Variants in FAM114A2 observed in about 807,000 individuals in gnomAD.
The protein encoded by FAM114A2 is family with sequence similarity 114 member A2.
FAM114A2 carries 53 observed loss-of-function variants against 58.4 expected under a neutral mutation model. The observed-to-expected ratio is 0.91, with a 90% CI of 0.73 to 1.14. The LOEUF is 1.14. Among genes scored for constraint, FAM114A2 ranks in the 50% most tolerant of loss-of-function variants. FAM114A2 has a pLI of 0.00. For missense variants in FAM114A2, 601 were observed against 581.1 expected (o/e 1.03, Z -0.35); for synonymous variants, 228 against 211.4 (o/e 1.08, Z -0.68).
In FAM114A2 at chr5:154,007,594, G is replaced by A. The variant is rs114933076; in HGVS notation, c.993+3647C>T. ...TTTCAGAGAATGGCGAGAACTGCCA[G>A]ACAGATAAGGAGTTACTGGCCTTAC... On this transcript the variant is annotated intron_variant, in intron 9 of 13. Coordinates refer to ENST00000351797, the MANE Select transcript of FAM114A2 (RefSeq NM_018691.4). 6.7e-3 allele frequency among the ~76,000 whole-genome samples: 1,023 copies of A among 152,272 alleles called. 2 individuals carry two copies. The highest frequency in any genetic ancestry group is 0.01 in the Non-Finnish European group (683 of 68,016).
chr5:154,029,485 T>C lies in FAM114A2; in HGVS notation c.495+4A>G. On this transcript the variant is annotated splice_donor_region_variant and intron_variant, in intron 5 of 13. Coordinates refer to ENST00000351797, the MANE Select transcript of FAM114A2 (RefSeq NM_018691.4). ...AACAGACCACCTTGCACTTTTTTAC[T>C]TACTGTGCTCTGAACAGCAGTAGAG... 1 of 1,555,600 alleles carries C rather than the reference T, an allele frequency of 6.4e-7. No homozygotes were observed. Among genetic ancestry groups the C allele is most frequent in the Non-Finnish European group, 8.9e-7 (1 of 1,128,162 alleles).
intron 8 of FAM114A2, among the ~76,000 whole-genome samples, chr5:154,017,655 G>A (rs1323141571): frequency 6.6e-6 from 1 of 152,056 alleles, no homozygotes; most frequent in African/African-American, 2.4e-5. Flanking sequence ...ATTCAACAGT[G>A]CATGGAACTT....
intron 8 of FAM114A2, 82 bp from the exon 9 acceptor site, chr5:154,011,402 G>C (rs919191302): frequency 1.2e-6 from 1 of 859,692 alleles, no homozygotes; most frequent in South Asian, 1.5e-5. Flanking sequence ...AAGAGGAGAG[G>C]AGTGGTAATA....
intron 11 of FAM114A2, among the ~76,000 whole-genome samples, chr5:153,999,708 T>C (rs1318963269): frequency 6.6e-6 from 1 of 151,860 alleles, no homozygotes; most frequent in African/African-American, 2.4e-5. Context: ...GAATGTAAAT[T>C]AGTACAACCA....
chr5:154,002,269 C>T lies in FAM114A2; in HGVS notation c.1238G>A (p.Arg413Lys), dbSNP rs1267767127. ...CACTTACTGGGAAAGAGTTTGGCTCCTTTCTATGGCTGTCACTTCCTGCTT... is the reference window on the plus strand; with the variant it reads ...CACTTACTGGGAAAGAGTTTGGCTCTTTTCTATGGCTGTCACTTCCTGCTT... ...GRKQEVTAIERSQTLSQMTIV... is the reference protein window; with the variant it reads ...GRKQEVTAIEKSQTLSQMTIV... The change falls in exon 11 of 14, where the codon AGG becomes AAG. Residue 413 changes from arginine to lysine, a missense_variant. Physicochemically the swap from Arg to Lys is conservative, Grantham distance 26 (BLOSUM62 2). Coordinates refer to ENST00000351797, the MANE Select transcript of FAM114A2 (RefSeq NM_018691.4). The T allele has an allele frequency of 6.2e-7, 1 of 1,613,766 alleles. No homozygotes were observed. The highest frequency in any genetic ancestry group is 8.5e-7 in the Non-Finnish European group (1 of 1,179,800).
intron 11 of FAM114A2, among the ~76,000 whole-genome samples, chr5:153,999,235 A>C (rs1769802533): frequency 6.6e-6 from 1 of 152,216 alleles, no homozygotes; most frequent in Non-Finnish European, 1.5e-5. Context: ...CAACAGATAC[A>C]CGAAAAAATG....
intron 9 of FAM114A2, among the ~76,000 whole-genome samples, chr5:154,004,643 AT>A (rs1257251181): frequency 2.0e-5 from 3 of 152,158 alleles, no homozygotes; most frequent in Non-Finnish European, 4.4e-5. Flanking sequence ...GAGCCAAAAT[AT>A]AGGGGCCATC....
chr5:153,992,872 T>G lies in FAM114A2; in HGVS notation c.*104A>C. ...TTAAACCATCTCTCCTGCCTGAATT[T>G]TTATATACTAAAATAACCCCACTCC... On this transcript the variant is annotated 3_prime_UTR_variant, in exon 14 of 14. Transcript: ENST00000351797. 9.6e-7 allele frequency: 1 copy of G among 1,044,718 alleles called. No individual in the cohort carries two copies. The highest frequency in any genetic ancestry group is 2.5e-5 in the East Asian group (1 of 39,368). The allele number at this position is 1,044,718 out of a possible 1,614,324, so 64.7% of individuals were successfully genotyped here. A position where few individuals can be genotyped will look rare whatever the true frequency, so the allele number is the denominator to read the frequency against.
intron 3 of FAM114A2, 92 bp downstream of exon 3, chr5:154,034,186 A>G: frequency 3.8e-6 from 3 of 799,188 alleles, no homozygotes; most frequent in Non-Finnish European, 2.0e-6. Context: ...GTAAACATGG[A>G]AGGAAGAAGA....
intron 12 of FAM114A2, among the ~76,000 whole-genome samples, chr5:153,996,718 T>C (rs765040616): frequency 6.6e-6 from 1 of 150,636 alleles, no homozygotes; most frequent in Admixed American, 6.7e-5. Flanking sequence ...ACATTGGCGC[T>C]GGGCACGGTG....
intron 8 of FAM114A2, among the ~76,000 whole-genome samples, chr5:154,022,672 T>G (rs1771501328): frequency 6.6e-6 from 1 of 152,192 alleles, no homozygotes; most frequent in Admixed American, 6.5e-5. Flanking sequence ...ATAGGAATGC[T>G]TTTACAATGT....
chr5:154,010,289 C>CTTG (rs1770604946), intron 9 of FAM114A2, among the ~76,000 whole-genome samples: 1 of 152,154 alleles, frequency 6.6e-6, no homozygotes, highest in Non-Finnish European at 1.5e-5. Flanking sequence ...TAACTTTTCT[C>CTTG]TAAGTTTGAT....
intron 11 of FAM114A2, among the ~76,000 whole-genome samples, chr5:154,000,128 G>A (rs1769881909): frequency 6.6e-6 from 1 of 152,140 alleles, no homozygotes; most frequent in Non-Finnish European, 1.5e-5. Flanking sequence ...TCACTCATAT[G>A]TGGGAGCTAA....
intron 13 of FAM114A2, among the ~76,000 whole-genome samples, chr5:153,993,528 G>T (rs1371371915): frequency 6.6e-6 from 1 of 152,010 alleles, no homozygotes; most frequent in Non-Finnish European, 1.5e-5. Flanking sequence ...TTTTTCCATG[G>T]ACTCAATGCG....
chr5:153,996,273 G>C (rs1769547100), intron 12 of FAM114A2, among the ~76,000 whole-genome samples: 1 of 152,100 alleles, frequency 6.6e-6, no homozygotes, highest in Non-Finnish European at 1.5e-5. Flanking sequence ...TATCAACAAA[G>C]AAGCCAAGAG....
At chr5:154,031,473 AT>A (rs998000345) in intron 4 of FAM114A2, among the ~76,000 whole-genome samples, 29 of 152,138 alleles carry the variant, frequency 1.9e-4, no homozygotes, top group African/African-American at 7.0e-4. Flanking sequence ...TTATCTCAAA[AT>A]TCTGAAAATA....
At chr5:154,005,432 T>C (rs1311104915) in intron 9 of FAM114A2, among the ~76,000 whole-genome samples, 2 of 152,058 alleles carry the variant, frequency 1.3e-5, no homozygotes, top group Non-Finnish European at 2.9e-5. Context: ...TCTGGTAAAA[T>C]TATCAGCAAA....
At chr5:154,010,554 G>A (rs953545755) in intron 9 of FAM114A2, among the ~76,000 whole-genome samples, 7 of 152,116 alleles carry the variant, frequency 4.6e-5, no homozygotes, top group Admixed American at 4.6e-4. Flanking sequence ...ATGTGCACCT[G>A]CAGCTGACTG....
At chr5:154,013,909 A>T (rs1463999674) in intron 8 of FAM114A2, among the ~76,000 whole-genome samples, 1 of 152,226 alleles carries the variant, frequency 6.6e-6, no homozygotes, top group Non-Finnish European at 1.5e-5. Context: ...GCCACATATT[A>T]AATATAGTAT....
Sources: gnomAD v4.1 joint callset for allele counts (sites outside exome capture counted in the v4.1 genomes callset) on GRCh38, gnomAD v4.1.1 for gene constraint, MANE v1.5 for transcripts, NCBI Gene and HGNC (gene_info 2026-07-23, HGNC 2026-07-21) for gene names.